Variants in DRAXIN observed in about 807,000 individuals in gnomAD.
The protein encoded by DRAXIN is dorsal repulsive axon guidance protein.
DRAXIN carries 27 observed loss-of-function variants against 33.9 expected under a neutral mutation model. That is an observed-to-expected ratio of 0.80 (90% CI 0.59 to 1.10). DRAXIN has a LOEUF of 1.10. Ranked by LOEUF, DRAXIN falls within the 50% of genes least tolerant of loss-of-function variation. The probability of loss-of-function intolerance (pLI) is 0.00; values close to 1 mark genes in which losing one functional copy is unlikely to be tolerated. For synonymous variants in DRAXIN, 178 were observed against 194.0 expected (o/e 0.92, Z 0.69); for missense variants, 371 against 460.8 (o/e 0.81, Z 1.78).
At chr1:11,699,536 C>T (rs1489901360) in intron 1 of DRAXIN, among the ~76,000 whole-genome samples, 1 of 151,940 alleles carries the variant, frequency 6.6e-6, no homozygotes, top group Non-Finnish European at 1.5e-5. Flanking sequence ...CTATGTTGTC[C>T]AGACTGAATT....
At position 11,706,634 on chromosome 1, in the gene DRAXIN, C is replaced by T. The variant is rs1641386715; in HGVS notation, c.376C>T (p.Pro126Ser). Reference protein sequence around the residue: ...ALPYPEKENRPPGWERTRKRS... With the variant: ...ALPYPEKENRSPGWERTRKRS... ...GCCCTACCCCGAGAAGGAGAACCGA[C>T]CTCCAGGTTGGGAGAGGACCAGGAA... The change falls in exon 2 of 7, where the codon CCT (proline) becomes TCT (serine). Residue 126 changes from proline to serine, a missense_variant. Physicochemically the swap from Pro to Ser is moderately conservative, Grantham distance 74. Transcript: ENST00000294485. The surrounding 1 kb of genome is among the most constrained non-coding windows in gnomAD (Gnocchi z 5.5). 1 of 1,600,084 alleles carries T rather than the reference C, an allele frequency of 6.2e-7. No homozygotes were observed. Among genetic ancestry groups the T allele is most frequent in the Non-Finnish European group, 8.5e-7 (1 of 1,179,524 alleles).
Position 11,723,967 on chromosome 1 carries a change from G to T in DRAXIN, c.*4271G>T, listed in dbSNP as rs1482186340. 1 of 152,188 alleles carries T rather than the reference G, an allele frequency of 6.6e-6. No individual in the cohort carries two copies. The highest frequency in any genetic ancestry group is 2.4e-5 in the African/African-American group (1 of 41,436). The allele number at this position is 152,188 out of a possible 1,614,324, so 9.4% of individuals were successfully genotyped here. On this transcript the variant is annotated 3_prime_UTR_variant, in exon 7 of 7. Coordinates refer to ENST00000294485, the MANE Select transcript of DRAXIN (RefSeq NM_198545.4). ...ATAAACCTCCAGTGTTAGCTAATTT[G>T]TTATTCTAGGAGAATTTTAGATGTC...
chr1:11,715,043 C>A, intron 5 of DRAXIN, 76 bp from the exon 6 acceptor site: 1 of 1,538,456 alleles, frequency 6.5e-7, no homozygotes, highest in Non-Finnish European at 9.0e-7. Context: ...GATCTCTTGT[C>A]CAGTGGGACC....
At chr1:11,710,921 CAAA>C (rs57916288) in intron 3 of DRAXIN, among the ~76,000 whole-genome samples, 1 of 90,172 alleles carries the variant, frequency 1.1e-5, no homozygotes, top group Non-Finnish European at 2.0e-5. Flanking sequence ...GACTCCATCT[CAAA>C]AAAAAAAAAA....
intron 2 of DRAXIN, among the ~76,000 whole-genome samples, chr1:11,708,860 G>C (rs1641431244): frequency 6.6e-6 from 1 of 152,160 alleles, no homozygotes; most frequent in Non-Finnish European, 1.5e-5. Flanking sequence ...CCACCTCCCA[G>C]CTTCCTCAAA....
chr1:11,699,061 C>G (rs1199534727), intron 1 of DRAXIN, among the ~76,000 whole-genome samples: 1 of 152,078 alleles, frequency 6.6e-6, no homozygotes, highest in Non-Finnish European at 1.5e-5. Flanking sequence ...TGTCTGTCAC[C>G]CCTCCCCATA....
chr1:11,724,322 C>A lies in DRAXIN; in HGVS notation c.*4626C>A, dbSNP rs1355868706. ...CAACCAGTAGCTGCTGGGCCCGTGG[C>A]CTGAACCCTCCTGCACTCCTCCAGC... On this transcript the variant is annotated 3_prime_UTR_variant, in exon 7 of 7. Coordinates refer to ENST00000294485, the MANE Select transcript of DRAXIN (RefSeq NM_198545.4). The A allele has an allele frequency of 5.9e-5, 9 of 152,280 alleles. No individual in the cohort carries two copies. The highest frequency in any genetic ancestry group is 5.9e-4 in the Admixed American group (9 of 15,276). The allele number at this position is 152,280 out of a possible 1,614,324, so 9.4% of individuals were successfully genotyped here.
At chr1:11,699,327 C>T (rs982120009) in intron 1 of DRAXIN, among the ~76,000 whole-genome samples, 1 of 152,152 alleles carries the variant, frequency 6.6e-6, no homozygotes, top group African/African-American at 2.4e-5. Context: ...TCCACCACCA[C>T]CAAGAATGCC....
chr1:11,700,354 C>G (rs1259190899), intron 1 of DRAXIN, among the ~76,000 whole-genome samples: 1 of 151,928 alleles, frequency 6.6e-6, no homozygotes, highest in Admixed American at 6.6e-5. Flanking sequence ...TTCTAACTGG[C>G]TTTGATTATT....
chr1:11,714,371 G>A (rs1279313654), intron 5 of DRAXIN, among the ~76,000 whole-genome samples: 1 of 152,246 alleles, frequency 6.6e-6, no homozygotes, highest in Non-Finnish European at 1.5e-5. Context: ...CCCGTGCTGA[G>A]CAGAAATGGC....
intron 6 of DRAXIN, 105 bp downstream of exon 6, chr1:11,715,313 C>A (rs1299066603): frequency 1.4e-6 from 2 of 1,415,518 alleles, no homozygotes; most frequent in Admixed American, 1.8e-5. Flanking sequence ...GCTTTCCTGG[C>A]AGAGGGTGGA....
rs764616160 is a variant in DRAXIN at position 11,706,244 on chromosome 1, T to G, written c.-10-5T>G. On this transcript the variant is annotated splice_polypyrimidine_tract_variant and splice_region_variant and intron_variant, in intron 1 of 6. Coordinates refer to ENST00000294485, the MANE Select transcript of DRAXIN (RefSeq NM_198545.4). This position sits in a 1 kb window ranked among gnomAD's most constrained non-coding sequence, Gnocchi z 5.5. ...TGCGCATTCATGGTGTTGCTCTTCTTGCAGGGAGGAGCCAATGGCTGGGCC... is the reference window on the plus strand; with the variant it reads ...TGCGCATTCATGGTGTTGCTCTTCTGGCAGGGAGGAGCCAATGGCTGGGCC... 6.4e-6 allele frequency: 10 copies of G among 1,567,786 alleles called. No homozygotes were observed. The highest frequency in any genetic ancestry group is 7.8e-6 in the Non-Finnish European group (9 of 1,157,002).
chr1:11,722,828 C>CTTTTTTTTTTTTTTTTT lies in DRAXIN; in HGVS notation c.*3132_*3133insTTTTTTTTTTTTTTTTT, dbSNP rs1408795587. ...TGTCACAAAATATTATTCTCTCTTTCCTTTTTTTTTTTTTTGGAGATGGAG... is the reference window on the plus strand; with the variant it reads ...TGTCACAAAATATTATTCTCTCTTTCTTTTTTTTTTTTTTTTTCTTTTTTTTTTTTTTGGAGATGGAG... On this transcript the variant is annotated 3_prime_UTR_variant, in exon 7 of 7. Transcript: ENST00000294485. 1 of 138,810 alleles carries CTTTTTTTTTTTTTTTTT rather than the reference C, an allele frequency of 7.2e-6. No individual in the cohort carries two copies. Among genetic ancestry groups the CTTTTTTTTTTTTTTTTT allele is most frequent in the Non-Finnish European group, 1.6e-5 (1 of 63,326 alleles). The allele number at this position is 138,810 out of a possible 1,614,324, so 8.6% of individuals were successfully genotyped here.
At position 11,719,568 on chromosome 1, in the gene DRAXIN, G is replaced by T. The variant is rs1343485665; in HGVS notation, c.938-16G>T. On this transcript the variant is annotated splice_polypyrimidine_tract_variant and intron_variant, in intron 6 of 6. Transcript: ENST00000294485. ...GCCCTTCGCGCCTCTGACCCCCCTTGCCTCCACTCGCCCAGGGCTGCGCTG... is the reference window on the plus strand; with the variant it reads ...GCCCTTCGCGCCTCTGACCCCCCTTTCCTCCACTCGCCCAGGGCTGCGCTG... 1 of 1,600,638 alleles carries T rather than the reference G, an allele frequency of 6.2e-7. No individual in the cohort carries two copies. The highest frequency in any genetic ancestry group is 8.5e-7 in the Non-Finnish European group (1 of 1,172,960).
At chr1:11,697,013 G>A (rs113177237) in intron 1 of DRAXIN, among the ~76,000 whole-genome samples, 5 of 150,884 alleles carry the variant, frequency 3.3e-5, no homozygotes, top group African/African-American at 1.2e-4. Context: ...TCCAGCCTGG[G>A]CAACAGAACG....
In DRAXIN at chr1:11,692,142, C is replaced by G. The variant is rs931184447; in HGVS notation, c.-11+289C>G. On this transcript the variant is annotated intron_variant, in intron 1 of 6. Transcript: ENST00000294485. The surrounding 1 kb of genome is among the most constrained non-coding windows in gnomAD (Gnocchi z 5.8). Reference sequence around the variant, plus strand: ...ACTTTTCCACGCTCTGACACTCGGCCTCGCGCGCGCCCTCGCCGCCCTCTG... The same window carrying G: ...ACTTTTCCACGCTCTGACACTCGGCGTCGCGCGCGCCCTCGCCGCCCTCTG... Among the ~76,000 whole-genome samples, 2 of 152,166 alleles carry G rather than the reference C, an allele frequency of 1.3e-5. No individual in the cohort carries two copies. Among genetic ancestry groups the G allele is most frequent in the African/African-American group, 4.8e-5 (2 of 41,452 alleles).
upstream of DRAXIN, among the ~76,000 whole-genome samples, chr1:11,686,906 T>C (rs112142980): frequency 2.4e-4 from 37 of 152,080 alleles, 2 homozygotes; most frequent in African/African-American, 8.2e-4. Context: ...ATTTTTAGTA[T>C]AGTTACAATG....
chr1:11,709,266 G>A lies in DRAXIN; in HGVS notation c.452-9G>A. ...ATATAGCCCCCGTGCTCCCCACCCT[G>A]TGTCTCAGGCCGAGCCTTGGTCCGA... On this transcript the variant is annotated splice_polypyrimidine_tract_variant and intron_variant, in intron 2 of 6. Transcript: ENST00000294485. The A allele has an allele frequency of 6.2e-7, 1 of 1,605,442 alleles. No homozygotes were observed. Among genetic ancestry groups the A allele is most frequent in the Non-Finnish European group, 8.5e-7 (1 of 1,175,248 alleles).
intron 2 of DRAXIN, among the ~76,000 whole-genome samples, chr1:11,708,054 G>A (rs1031567757): frequency 1.3e-5 from 2 of 152,242 alleles, no homozygotes; most frequent in Non-Finnish European, 2.9e-5. Flanking sequence ...CCCCAAGAGG[G>A]CAGAGGTCAG....
Sources: allele counts gnomAD v4.1 joint callset (sites outside exome capture counted in the v4.1 genomes callset), GRCh38; gene constraint gnomAD v4.1.1; non-coding constraint Gnocchi (gnomAD v3.1); transcripts MANE v1.5; gene names NCBI Gene and HGNC (gene_info 2026-07-23, HGNC 2026-07-21).